STAG1: variants seen among roughly 807,000 people sequenced by gnomAD.
The protein encoded by STAG1 is STAG1 cohesin complex component, also known as cohesin subunit SA-1.
In STAG1, 26 loss-of-function variants were observed where a neutral mutation model predicts 170.9. The observed-to-expected ratio is 0.15, with a 90% CI of 0.11 to 0.21. The LOEUF is 0.21. STAG1 is among the 10% of genes least tolerant of loss of function. The pLI is 1.00. For missense variants in STAG1, 964 were observed against 1,509.5 expected (o/e 0.64, Z 5.99); for synonymous variants, 514 against 497.7 (o/e 1.03, Z -0.44).
intron 10 of STAG1, among the ~76,000 whole-genome samples, chr3:136,475,626 AGAC>A (rs1258072749): frequency 3.3e-5 from 5 of 152,204 alleles, no homozygotes; most frequent in Non-Finnish European, 5.9e-5. Flanking sequence ...CTATGAGGTA[AGAC>A]TCAATGGTGG....
chr3:136,442,122 T>C (rs1359721343), intron 15 of STAG1, among the ~76,000 whole-genome samples: 2 of 152,154 alleles, frequency 1.3e-5, no homozygotes, highest in Admixed American at 1.3e-4. Context: ...CACATGAATC[T>C]GGGAGGCAGA....
At chr3:136,359,345 A>G (rs1936770154) in intron 26 of STAG1, 49 bp from the exon 27 acceptor site, 2 of 1,395,720 alleles carry the variant, frequency 1.4e-6, no homozygotes, top group Non-Finnish European at 9.7e-7. Flanking sequence ...AGAATTTTAA[A>G]CAGTTATTTT....
At chr3:136,383,388 T>A (rs1334829859) in intron 22 of STAG1, among the ~76,000 whole-genome samples, 2 of 152,108 alleles carry the variant, frequency 1.3e-5, no homozygotes, top group Non-Finnish European at 2.9e-5. Flanking sequence ...TTAAAATATA[T>A]CACTGACTGC....
intron 8 of STAG1, among the ~76,000 whole-genome samples, chr3:136,502,255 C>T (rs1045042976): frequency 1.3e-5 from 2 of 152,110 alleles, no homozygotes; most frequent in African/African-American, 4.8e-5. Context: ...CAATCTTATT[C>T]ATAGGAGTGC....
chr3:136,615,018 T>C (rs1378270241), intron 3 of STAG1, among the ~76,000 whole-genome samples: 2 of 152,198 alleles, frequency 1.3e-5, no homozygotes, highest in African/African-American at 2.4e-5. Flanking sequence ...TTTTGGTTTA[T>C]GATAAGTGCT....
At chr3:136,635,627 G>C (rs997037726) in intron 1 of STAG1, among the ~76,000 whole-genome samples, 1 of 151,976 alleles carries the variant, frequency 6.6e-6, no homozygotes, top group African/African-American at 2.4e-5. Context: ...TGCGACAAGA[G>C]AAAGAAAATA....
At position 136,502,635 on chromosome 3, in the gene STAG1, C is replaced by T; in HGVS notation, c.821G>A (p.Arg274His). 2 of 1,612,668 alleles carry T rather than the reference C, an allele frequency of 1.2e-6. No homozygotes were observed. Among genetic ancestry groups the T allele is most frequent in the Non-Finnish European group, 1.7e-6 (2 of 1,179,486 alleles). ...NERLELLLQK[R>H]KELQENQDEI... ...AGTTCCCATGAAACTTACCTCTTTG[C>T]GTTTCTGAAGTAGTAACTCCAACCT... is the stretch of plus-strand genomic sequence containing the variant. Residue 274 changes from arginine (R) to histidine (H), a missense_variant, in exon 8 of 34, where the codon CGC becomes CAC. By Grantham distance (29) the Arg-to-His change is conservative. Coordinates refer to ENST00000383202, the MANE Select transcript of STAG1 (RefSeq NM_005862.3).
intron 9 of STAG1, among the ~76,000 whole-genome samples, chr3:136,485,606 G>A (rs1298846613): frequency 6.6e-6 from 1 of 152,090 alleles, no homozygotes; most frequent in Non-Finnish European, 1.5e-5. Flanking sequence ...ATGAATAACT[G>A]CATATATCCA....
chr3:136,494,621 TA>T (rs1932975021), intron 9 of STAG1, among the ~76,000 whole-genome samples: 1 of 152,158 alleles, frequency 6.6e-6, no homozygotes. Flanking sequence ...AAGGTTGGTA[TA>T]ATATCTGAAA....
intron 28 of STAG1, among the ~76,000 whole-genome samples, chr3:136,351,644 A>G (rs924767041): frequency 5.9e-5 from 9 of 152,080 alleles, no homozygotes; most frequent in African/African-American, 1.9e-4. Flanking sequence ...CTATTCTTAC[A>G]CCTAGGAGCA....
At chr3:136,394,149 G>A (rs747689796) in intron 22 of STAG1, among the ~76,000 whole-genome samples, 3 of 152,138 alleles carry the variant, frequency 2.0e-5, no homozygotes, top group African/African-American at 2.4e-5. Flanking sequence ...CTCGTGATCC[G>A]CCTGCCTTGG....
intron 1 of STAG1, among the ~76,000 whole-genome samples, chr3:136,748,878 A>G (rs1935086198): frequency 6.6e-6 from 1 of 152,200 alleles, no homozygotes. Context: ...AGAGGAAGGC[A>G]TGTAAACTAA....
chr3:136,425,085 G>T (rs560075008), intron 16 of STAG1, among the ~76,000 whole-genome samples: 3 of 151,886 alleles, frequency 2.0e-5, no homozygotes, highest in South Asian at 4.2e-4. Flanking sequence ...TGATCTGCCC[G>T]CCCCGGCCTC....
chr3:136,485,477 C>G (rs951595807), intron 9 of STAG1, among the ~76,000 whole-genome samples: 4 of 151,916 alleles, frequency 2.6e-5, no homozygotes, highest in African/African-American at 9.7e-5. Context: ...AAAAGTAGCT[C>G]TACTATAAAC....
intron 4 of STAG1, among the ~76,000 whole-genome samples, chr3:136,598,212 T>A (rs1188210482): frequency 1.3e-5 from 2 of 152,128 alleles, no homozygotes; most frequent in Non-Finnish European, 2.9e-5. Flanking sequence ...CTATTTAACT[T>A]CCATTTCTAC....
At chr3:136,559,357 T>C (rs1359773273) in intron 5 of STAG1, among the ~76,000 whole-genome samples, 4 of 151,976 alleles carry the variant, frequency 2.6e-5, no homozygotes, top group Admixed American at 6.6e-5. Context: ...AGTAATGCAG[T>C]AGAGACATGA....
chr3:136,595,680 A>C (rs201273757), intron 4 of STAG1, among the ~76,000 whole-genome samples: 362 of 2,788 alleles, frequency 0.13, no homozygotes, highest in African/African-American at 0.19. Flanking sequence ...CCATCTCAAT[A>C]AATAAATAAA....
chr3:136,642,328 G>A (rs1011487513), intron 1 of STAG1, among the ~76,000 whole-genome samples: 1 of 127,040 alleles, frequency 7.9e-6, no homozygotes, highest in Non-Finnish European at 1.5e-5. Context: ...CTGGAGTACA[G>A]TAGCGCGATC....
intron 5 of STAG1, among the ~76,000 whole-genome samples, chr3:136,565,040 A>ACGCAT (rs1363491020): frequency 4.8e-5 from 2 of 41,370 alleles, no homozygotes; most frequent in African/African-American, 2.6e-4. Context: ...GCAGGCAGGC[A>ACGCAT]GAAGGGAGGG....
Sources: gnomAD v4.1 joint callset for allele counts (sites outside exome capture counted in the v4.1 genomes callset) on GRCh38, gnomAD v4.1.1 for gene constraint, MANE v1.5 for transcripts, NCBI Gene and HGNC (gene_info 2026-07-23, HGNC 2026-07-21) for gene names.